The following PRTG variants were observed in gnomAD, a reference collection of about 807,000 sequenced individuals.
The protein encoded by PRTG is protogenin.
A neutral mutation model predicts 122.5 loss-of-function variants in PRTG; 67 were observed. The observed-to-expected ratio is 0.55, with a 90% CI of 0.45 to 0.67. The LOEUF is 0.67. Among genes scored for constraint, PRTG ranks in the 30% least tolerant of loss-of-function variants. The probability of loss-of-function intolerance (pLI) is 0.00; values close to 1 mark genes in which losing one functional copy is unlikely to be tolerated. For synonymous variants in PRTG, 554 were observed against 501.1 expected, an observed-to-expected ratio of 1.11 and a Z score of -1.41; for missense variants, 1,435 against 1,415.4, an observed-to-expected ratio of 1.01 and a Z score of -0.22.
At chr15:55,706,958 G>C (rs7178114) in intron 2 of PRTG, among the ~76,000 whole-genome samples, 144,386 of 152,258 alleles carry the variant, frequency 0.95, 68,572 homozygotes, top group Non-Finnish European at 0.97. Flanking sequence ...TCAGGCCCCA[G>C]CCCAGAACTA....
intron 2 of PRTG, among the ~76,000 whole-genome samples, chr15:55,714,030 A>G (rs1482434597): frequency 1.3e-5 from 2 of 152,110 alleles, no homozygotes; most frequent in African/African-American, 4.8e-5. Context: ...AACCCTGTAC[A>G]TTTCTGTTCT....
chr15:55,667,100 C>T (rs1204564572), intron 11 of PRTG, among the ~76,000 whole-genome samples: 1 of 151,146 alleles, frequency 6.6e-6, no homozygotes, highest in East Asian at 1.9e-4. Context: ...AAAATCTGGG[C>T]AATATTTTTC....
Position 55,680,190 on chromosome 15 carries a change from A to G in PRTG, c.837T>C (p.Phe279=). 6.2e-7 allele frequency: 1 copy of G among 1,610,414 alleles called. No homozygotes were observed. The change falls in exon 6 of 20, where the codon TTT becomes TTC. Residue 279 remains phenylalanine, a synonymous_variant. Coordinates refer to ENST00000389286, the MANE Select transcript of PRTG (RefSeq NM_173814.6). The stretch of plus-strand genomic sequence containing the variant: ...TACCATTTCCAAGTACCCGAGTATT[A>G]AAGACATCAATGGATTTGTGATCTA... ...SRLDHKSIDV[F]NTRVLGNGNL...
intron 2 of PRTG, among the ~76,000 whole-genome samples, chr15:55,735,719 A>T (rs1290984982): frequency 1.1e-4 from 1 of 9,384 alleles, no homozygotes; most frequent in Non-Finnish European, 4.5e-4. Context: ...ATGCTTTGCT[A>T]AAAAAAAAAA....
chr15:55,688,961 C>G (rs1404493513), intron 2 of PRTG, among the ~76,000 whole-genome samples: 2 of 152,240 alleles, frequency 1.3e-5, no homozygotes, highest in African/African-American at 2.4e-5. Flanking sequence ...CTCACCTAAG[C>G]TAGAGACTAC....
At chr15:55,648,664 A>C (rs963177733) in intron 11 of PRTG, among the ~76,000 whole-genome samples, 5 of 152,252 alleles carry the variant, frequency 3.3e-5, no homozygotes, top group African/African-American at 1.2e-4. Flanking sequence ...TGATGAATGA[A>C]CAAATCAAAA....
intron 9 of PRTG, among the ~76,000 whole-genome samples, chr15:55,675,303 G>C (rs1224915407): frequency 6.6e-6 from 1 of 151,940 alleles, no homozygotes; most frequent in African/African-American, 2.4e-5. Flanking sequence ...AATACAATGG[G>C]AATATAAGAA....
At chr15:55,661,680 T>C (rs944203215) in intron 11 of PRTG, among the ~76,000 whole-genome samples, 4 of 152,206 alleles carry the variant, frequency 2.6e-5, no homozygotes, top group African/African-American at 7.2e-5. Flanking sequence ...CATGAACTGC[T>C]TTCTCAAGAA....
At position 55,667,455 on chromosome 15, in the gene PRTG, G is replaced by A. The variant is rs368521692; in HGVS notation, c.2041+4990C>T. ...AATATTAAGTTCTAAAATTTGAGTT[G>A]AGTATCAATCATATTTGGCATTTTA... On this transcript the variant is annotated intron_variant, in intron 11 of 19. Coordinates refer to ENST00000389286, the MANE Select transcript of PRTG (RefSeq NM_173814.6). Among the ~76,000 whole-genome samples the A allele has an allele frequency of 7.2e-5, 11 of 151,954 alleles. 1 individual carries two copies. In the East Asian group the frequency reaches 1.3e-3, roughly 19 times the overall value.
chr15:55,682,362 AC>A lies in PRTG; in HGVS notation c.676+1del, dbSNP rs762028685. ...AAATGGAAAAACCACTCTGCGTGGT[AC>A]CTGGAATCACAGTTAGCGAGGCCTC... On this transcript the variant is annotated splice_donor_variant, in intron 4 of 19. Transcript: ENST00000389286. LOFTEE classifies it high-confidence loss of function. 1.3e-6 allele frequency: 2 copies of A among 1,591,288 alleles called. No homozygotes were observed. Among genetic ancestry groups the A allele is most frequent in the Non-Finnish European group, 1.7e-6 (2 of 1,167,210 alleles).
In PRTG at chr15:55,742,956, C is replaced by T; in HGVS notation, c.-25G>A. Reference sequence around the variant, plus strand: ...TTCAGCGTAGCCGCGCGGGCATGCTCCCCGGCCGCCCAGAGCCCCTGTCCG... The same window carrying T: ...TTCAGCGTAGCCGCGCGGGCATGCTTCCCGGCCGCCCAGAGCCCCTGTCCG... On this transcript the variant is annotated 5_prime_UTR_variant, in exon 1 of 20. Coordinates refer to ENST00000389286, the MANE Select transcript of PRTG (RefSeq NM_173814.6). 9 of 1,484,600 alleles carry T rather than the reference C, an allele frequency of 6.1e-6. No homozygotes were observed. The highest frequency in any genetic ancestry group is 1.3e-5 in the South Asian group (1 of 76,896). The allele number at this position is 1,484,600 out of a possible 1,614,324, so 92.0% of individuals were successfully genotyped here. A position where few individuals can be genotyped will look rare whatever the true frequency, so the allele number is the denominator to read the frequency against.
chr15:55,677,673 A>C (rs2059510501), intron 8 of PRTG, 124 bp downstream of exon 8: 1 of 816,888 alleles, frequency 1.2e-6, no homozygotes, highest in Admixed American at 2.7e-5. Context: ...TTATTTTATC[A>C]AAGAAGATAA....
chr15:55,624,636 G>T, intron 17 of PRTG, 129 bp from the exon 18 acceptor site: 1 of 637,274 alleles, frequency 1.6e-6, no homozygotes, highest in Non-Finnish European at 2.5e-6. Context: ...AATATTTTTA[G>T]AATCGAGTGT....
chr15:55,621,442 G>C (rs1334599768), intron 18 of PRTG, among the ~76,000 whole-genome samples: 1 of 152,028 alleles, frequency 6.6e-6, no homozygotes, highest in African/African-American at 2.4e-5. Context: ...CGGATCATGA[G>C]GTCAGGAGAT....
chr15:55,730,714 G>A (rs1422891171), intron 2 of PRTG, among the ~76,000 whole-genome samples: 1 of 152,058 alleles, frequency 6.6e-6, no homozygotes, highest in Non-Finnish European at 1.5e-5. Flanking sequence ...GCAGGAGAAT[G>A]GCATGCACCC....
chr15:55,709,010 G>T (rs1015717715), intron 2 of PRTG, among the ~76,000 whole-genome samples: 1 of 151,728 alleles, frequency 6.6e-6, no homozygotes, highest in Non-Finnish European at 1.5e-5. Flanking sequence ...GCTTGGTGTG[G>T]TGGTGCGTGC....
At chr15:55,692,683 T>G (rs2059610355) in intron 2 of PRTG, among the ~76,000 whole-genome samples, 1 of 151,946 alleles carries the variant, frequency 6.6e-6, no homozygotes, top group Admixed American at 6.6e-5. Flanking sequence ...AATTTTTGAT[T>G]TACAGCTGTT....
In PRTG at chr15:55,677,906, A is replaced by G. The variant is rs1027838924; in HGVS notation, c.1272T>C (p.Asn424=). 1 of 1,614,016 alleles carries G rather than the reference A, an allele frequency of 6.2e-7. No homozygotes were observed. The highest frequency in any genetic ancestry group is 2.2e-5 in the East Asian group (1 of 44,854). The stretch of plus-strand genomic sequence containing the variant: ...AGCTTGACATGGTTTCAGCATGTAC[A>G]TTATAGGGAGCACTGGGTCTGTCTT... ...MSEDRPSAPY[N]VHAETMSSSA... The change falls in exon 8 of 20, where the codon AAT becomes AAC. Residue 424 remains asparagine, a synonymous_variant. Transcript: ENST00000389286.
rs542921110 is a variant in PRTG at position 55,625,964 on chromosome 15, G to A, written c.2927+1044C>T. 1.3e-4 allele frequency among the ~76,000 whole-genome samples: 20 copies of A among 152,114 alleles called. No homozygotes were observed. The South Asian group carries it at 3.7e-3, about 28-fold the overall frequency. The stretch of plus-strand genomic sequence containing the variant: ...GATAAGATCTCACTATGTTGCTTAG[G>A]CTGGTCTGAAACTCCTGGCCTCAAG... On this transcript the variant is annotated intron_variant, in intron 17 of 19. Transcript: ENST00000389286.
Sources: gnomAD v4.1 joint callset for allele counts (sites outside exome capture counted in the v4.1 genomes callset) on GRCh38, gnomAD v4.1.1 for gene constraint, MANE v1.5 for transcripts, NCBI Gene and HGNC (gene_info 2026-07-23, HGNC 2026-07-21) for gene names.